Variants in GFOD1 observed in about 807,000 individuals in gnomAD.
The protein encoded by GFOD1 is Gfo/Idh/MocA-like oxidoreductase domain containing 1, also known as glucose-fructose oxidoreductase domain-containing protein 1.
A neutral mutation model predicts 25.4 loss-of-function variants in GFOD1; 9 were observed. The ratio of observed to expected loss-of-function variants is 0.35; its 90% CI spans 0.21 to 0.62. The LOEUF is 0.62. Ranked by LOEUF, GFOD1 falls within the 20% of genes least tolerant of loss-of-function variation. GFOD1 has a pLI of 0.72. For synonymous variants in GFOD1, 253 were observed against 245.6 expected, an observed-to-expected ratio of 1.03 and a Z score of -0.28; for missense variants, 403 against 556.9, an observed-to-expected ratio of 0.72 and a Z score of 2.78.
At chr6:13,479,085 T>G (rs1166755412) in intron 1 of GFOD1, among the ~76,000 whole-genome samples, 1 of 151,512 alleles carries the variant, frequency 6.6e-6, no homozygotes, top group African/African-American at 2.4e-5. Flanking sequence ...AAGAAAAAAT[T>G]TAAATATAGT....
chr6:13,382,323 A>C (rs577853172), intron 1 of GFOD1, among the ~76,000 whole-genome samples: 1 of 141,368 alleles, frequency 7.1e-6, no homozygotes, highest in Non-Finnish European at 1.5e-5. Flanking sequence ...CATGGGAGGG[A>C]CCCAGTGGGA....
At chr6:13,486,485 GCT>G (rs1333949781) in intron 1 of GFOD1, 151 bp downstream of exon 1, 23 of 678,530 alleles carry the variant, frequency 3.4e-5, no homozygotes, top group Admixed American at 2.8e-5. Context: ...GAAGGAGGGA[GCT>G]CTGAGTCGGA....
intron 1 of GFOD1, among the ~76,000 whole-genome samples, chr6:13,452,053 T>C (rs1189362896): frequency 6.6e-6 from 1 of 152,084 alleles, no homozygotes; most frequent in Non-Finnish European, 1.5e-5. Flanking sequence ...AAGTGAATGG[T>C]CAAAGAGAGA....
chr6:13,449,919 T>C (rs1758066336), intron 1 of GFOD1, among the ~76,000 whole-genome samples: 1 of 152,190 alleles, frequency 6.6e-6, no homozygotes, highest in Admixed American at 6.5e-5. Context: ...CAAATAATAT[T>C]TCCTCCAGCA....
intron 1 of GFOD1, among the ~76,000 whole-genome samples, chr6:13,478,042 C>A (rs372853802): frequency 7.2e-6 from 1 of 139,598 alleles, no homozygotes; most frequent in African/African-American, 2.7e-5. Context: ...CCAGCCTGGA[C>A]AACAGAGTGA....
In GFOD1 at chr6:13,487,157, C is replaced by T. The variant is rs1019550518; in HGVS notation, c.-267G>A. 2 of 432,556 alleles carry T rather than the reference C, an allele frequency of 4.6e-6. No individual in the cohort carries two copies. Among genetic ancestry groups the T allele is most frequent in the Non-Finnish European group, 8.1e-6 (2 of 246,880 alleles). The allele number at this position is 432,556 out of a possible 1,614,324, so 26.8% of individuals were successfully genotyped here. A position where few individuals can be genotyped will look rare whatever the true frequency, so the allele number is the denominator to read the frequency against. ...CCCGGAGTCGGCGGCAGGGACCCCC[C>T]CAGGGCGCCGGAGGCTTCGAAGCCC... On this transcript the variant is annotated 5_prime_UTR_variant, in exon 1 of 2. Transcript: ENST00000379287. The surrounding 1 kb of genome is among the most constrained non-coding windows in gnomAD (Gnocchi z 4.9).
rs7774244 is a variant in GFOD1, at chr6:13,370,080, G to T, written c.254-4418C>A. 2.9e-3 allele frequency among the ~76,000 whole-genome samples: 439 copies of T among 152,254 alleles called. 3 individuals are homozygous for T. The highest frequency in any genetic ancestry group is 0.01 in the African/African-American group (424 of 41,560). On this transcript the variant is annotated intron_variant, in intron 1 of 1. Transcript: ENST00000379287. ...ACAGCACTCACAATAATGGAAAAAG[G>T]GTCCTCCAAAGTCTAGGGGAGCTGG...
At chr6:13,452,645 C>A (rs1210252751) in intron 1 of GFOD1, among the ~76,000 whole-genome samples, 1 of 152,174 alleles carries the variant, frequency 6.6e-6, no homozygotes, top group Non-Finnish European at 1.5e-5. Flanking sequence ...ATACCTTGCC[C>A]ACCTTGCCCT....
intron 1 of GFOD1, among the ~76,000 whole-genome samples, chr6:13,393,924 G>A (rs1785673469): frequency 6.6e-6 from 1 of 151,628 alleles, no homozygotes. Context: ...GACTACAGGC[G>A]CCCACCACCA....
At chr6:13,446,246 C>G (rs1758000164) in intron 1 of GFOD1, among the ~76,000 whole-genome samples, 1 of 152,166 alleles carries the variant, frequency 6.6e-6, no homozygotes, top group Admixed American at 6.5e-5. Flanking sequence ...GAATTTGTTT[C>G]AAATCACCTT....
In GFOD1 at chr6:13,369,932, G is replaced by C. The variant is rs143693613; in HGVS notation, c.254-4270C>G. On this transcript the variant is annotated intron_variant, in intron 1 of 1. Transcript: ENST00000379287. ...CTGATTAGTAGGAGTGGTTGGATTA[G>C]TAGGATTATGATTGATTTTATTTTC... 1.7e-3 allele frequency among the ~76,000 whole-genome samples: 248 copies of C among 144,700 alleles called. 3 individuals are homozygous for C. Among genetic ancestry groups the C allele is most frequent in the African/African-American group, 5.5e-3 (226 of 40,818 alleles). The allele number at this position is 144,700 out of a possible 152,430, so 94.9% of individuals were successfully genotyped here.
chr6:13,452,033 G>A (rs1014879837), intron 1 of GFOD1, among the ~76,000 whole-genome samples: 3 of 152,164 alleles, frequency 2.0e-5, no homozygotes, highest in Non-Finnish European at 4.4e-5. Context: ...CGTGGACTGG[G>A]AAGCAGAAAA....
Position 13,365,992 on chromosome 6 carries a change from A to G in GFOD1, c.254-330T>C, listed in dbSNP as rs1400065678. On this transcript the variant is annotated intron_variant, in intron 1 of 1. Coordinates refer to ENST00000379287, the MANE Select transcript of GFOD1 (RefSeq NM_018988.4). The surrounding 1 kb of genome is among the most constrained non-coding windows in gnomAD (Gnocchi z 9.2). The stretch of plus-strand genomic sequence containing the variant: ...GAGGCCGAAGTGGGAGGATCACTTG[A>G]GCCCAGGAGGTTGAGGCTGCAGTGA... 6.6e-6 allele frequency among the ~76,000 whole-genome samples: 1 copy of G among 150,930 alleles called. No individual in the cohort carries two copies. Among genetic ancestry groups the G allele is most frequent in the Non-Finnish European group, 1.5e-5 (1 of 67,810 alleles).
chr6:13,468,384 C>T (rs1167941087), intron 1 of GFOD1, among the ~76,000 whole-genome samples: 1 of 152,164 alleles, frequency 6.6e-6, no homozygotes, highest in Non-Finnish European at 1.5e-5. Context: ...AACTGTTCTC[C>T]TACTGTGGAA....
intron 1 of GFOD1, among the ~76,000 whole-genome samples, chr6:13,438,765 A>C (rs1471307921): frequency 6.6e-6 from 1 of 152,162 alleles, no homozygotes; most frequent in African/African-American, 2.4e-5. Context: ...CTGAGGTCTG[A>C]AGTCCATACC....
intron 1 of GFOD1, among the ~76,000 whole-genome samples, chr6:13,445,166 G>A (rs529839540): frequency 6.6e-6 from 1 of 152,342 alleles, no homozygotes; most frequent in African/African-American, 2.4e-5. Context: ...TGAACAGGGA[G>A]GAGGGAGGAG....
intron 1 of GFOD1, among the ~76,000 whole-genome samples, chr6:13,455,613 G>C (rs1457018981): frequency 1.3e-5 from 2 of 152,194 alleles, no homozygotes; most frequent in Non-Finnish European, 2.9e-5. Flanking sequence ...CTGCCTGTCA[G>C]CAGCACCCCA....
chr6:13,366,191 G>T (rs1204980157), intron 1 of GFOD1, among the ~76,000 whole-genome samples: 1 of 151,974 alleles, frequency 6.6e-6, no homozygotes, highest in Non-Finnish European at 1.5e-5. Flanking sequence ...TTTTTTGTTT[G>T]TTTGTTTTTG....
In GFOD1 at chr6:13,384,085, G is replaced by C. The variant is rs577269861; in HGVS notation, c.254-18423C>G. 3.4e-4 allele frequency among the ~76,000 whole-genome samples: 51 copies of C among 152,176 alleles called. 1 individual carries two copies. Among genetic ancestry groups the C allele is most frequent in the Middle Eastern group, 3.4e-3 (1 of 294 alleles). On this transcript the variant is annotated intron_variant, in intron 1 of 1. Transcript: ENST00000379287. ...CTACTAAAAATACAAAAATTAGCTG[G>C]GTATGGTGGCATGCGCCTATAAGCC...
Sources: allele counts gnomAD v4.1 joint callset (sites outside exome capture counted in the v4.1 genomes callset), GRCh38; gene constraint gnomAD v4.1.1; non-coding constraint Gnocchi (gnomAD v3.1); transcripts MANE v1.5; gene names NCBI Gene and HGNC (gene_info 2026-07-23, HGNC 2026-07-21).